Variants in CTIF observed in about 807,000 individuals in gnomAD.
CTIF encodes cap binding complex dependent translation initiation factor, also known as CBP80/20-dependent translation initiation factor.
In CTIF, 21 loss-of-function variants were observed where a neutral mutation model predicts 66.0. The ratio of observed to expected loss-of-function variants is 0.32; its 90% CI spans 0.23 to 0.46. CTIF has a LOEUF of 0.46. Among genes scored for constraint, CTIF ranks in the 20% least tolerant of loss-of-function variants. CTIF has a pLI of 1.00. For synonymous variants in CTIF, 345 were observed against 326.4 expected, an observed-to-expected ratio of 1.06 and a Z score of -0.62; for missense variants, 739 against 812.7, an observed-to-expected ratio of 0.91 and a Z score of 1.10.
intron 1 of CTIF, among the ~76,000 whole-genome samples, chr18:48,551,532 G>C (rs535800576): frequency 2.6e-5 from 4 of 152,290 alleles, no homozygotes; most frequent in Admixed American, 2.0e-4. Context: ...TGCATTGTGT[G>C]TTATGCTTGT....
At chr18:48,657,346 A>G (rs2091261867) in intron 3 of CTIF, among the ~76,000 whole-genome samples, 1 of 152,222 alleles carries the variant, frequency 6.6e-6, no homozygotes. Context: ...TATATACCAA[A>G]CATTTGACTA....
intron 9 of CTIF, among the ~76,000 whole-genome samples, chr18:48,812,676 C>T (rs2068282848): frequency 6.6e-6 from 1 of 151,502 alleles, no homozygotes; most frequent in South Asian, 2.1e-4. Flanking sequence ...ATCACTTGAG[C>T]CTAAGAGGTC....
intron 10 of CTIF, among the ~76,000 whole-genome samples, chr18:48,825,556 G>A (rs778110545): frequency 1.3e-5 from 2 of 152,242 alleles, no homozygotes; most frequent in Admixed American, 6.5e-5. Flanking sequence ...TGAAGCGGGT[G>A]TGGGTGGAGA....
chr18:48,786,026 C>T (rs1314142574), intron 9 of CTIF, among the ~76,000 whole-genome samples: 1 of 152,128 alleles, frequency 6.6e-6, no homozygotes, highest in Non-Finnish European at 1.5e-5. Context: ...ATCACTCATC[C>T]GAGATCCTTG....
At chr18:48,665,662 C>A (rs2091424818) in intron 5 of CTIF, among the ~76,000 whole-genome samples, 2 of 152,192 alleles carry the variant, frequency 1.3e-5, no homozygotes, top group East Asian at 3.8e-4. Flanking sequence ...CAGTCCCTGG[C>A]AACCACCAAT....
rs576001906 is a variant in CTIF, at chr18:48,681,339, C to G, written c.507+10595C>G. 5.1e-4 allele frequency among the ~76,000 whole-genome samples: 77 copies of G among 152,298 alleles called. 1 individual carries two copies. Among genetic ancestry groups the G allele is most frequent in the Non-Finnish European group, 3.4e-4 (23 of 68,016 alleles). ...CCAGGGATCTGGAGGCAGCCGATGG[C>G]CAAACAAACCAAGTGAGTGAGTGGC... is the stretch of plus-strand genomic sequence containing the variant. On this transcript the variant is annotated intron_variant, in intron 6 of 11. Transcript: ENST00000256413.
chr18:48,626,757 G>A lies in CTIF; in HGVS notation c.180+7012G>A, dbSNP rs181310427. Among the ~76,000 whole-genome samples, 1,023 of 149,372 alleles carry A rather than the reference G, an allele frequency of 6.8e-3. 8 individuals carry two copies. The highest frequency in any genetic ancestry group is 0.025 in the Middle Eastern group (7 of 284). ...TGCAACCTCTGCCTCCCGGGTTCAA[G>A]CGATTCTCCTGCCTCAGCCTCCCGA... On this transcript the variant is annotated intron_variant, in intron 2 of 11. Transcript: ENST00000256413.
chr18:48,547,663 G>A (rs1161557958), intron 1 of CTIF, among the ~76,000 whole-genome samples: 1 of 152,218 alleles, frequency 6.6e-6, no homozygotes, highest in Admixed American at 6.5e-5. Flanking sequence ...TGTTGTGAGA[G>A]ATGGTTTCTA....
At chr18:48,756,360 A>G (rs1348940603) in intron 7 of CTIF, 1 of 152,228 alleles carries the variant, frequency 6.6e-6, no homozygotes, top group Admixed American at 6.5e-5. Context: ...GGAAAAAAAT[A>G]ATGCATTTAA....
Position 48,664,439 on chromosome 18 carries a change from C to T in CTIF, c.327-8C>T, listed in dbSNP as rs911659028. On this transcript the variant is annotated splice_polypyrimidine_tract_variant and splice_region_variant and intron_variant, in intron 4 of 11. Transcript: ENST00000256413. ...TGCCTCCGTTTCTCACCCTCCCTCG[C>T]CCTCTAGTGGTGCCACCTGGGACCT... 13 of 1,611,792 alleles carry T rather than the reference C, an allele frequency of 8.1e-6. No individual in the cohort carries two copies. The highest frequency in any genetic ancestry group is 6.7e-5 in the Admixed American group (4 of 59,988).
chr18:48,698,274 G>A (rs2092035612), intron 6 of CTIF, among the ~76,000 whole-genome samples: 1 of 152,150 alleles, frequency 6.6e-6, no homozygotes, highest in African/African-American at 2.4e-5. Context: ...AGCTGCAGGG[G>A]CTGCCCTCCT....
At chr18:48,806,867 T>A (rs1167738662) in intron 9 of CTIF, among the ~76,000 whole-genome samples, 1 of 152,114 alleles carries the variant, frequency 6.6e-6, no homozygotes, top group Non-Finnish European at 1.5e-5. Context: ...TAGCAGTACG[T>A]CAATAAATAG....
intron 10 of CTIF, among the ~76,000 whole-genome samples, chr18:48,823,843 A>G (rs960634195): frequency 5.9e-5 from 9 of 152,220 alleles, no homozygotes; most frequent in Non-Finnish European, 1.0e-4. Flanking sequence ...CCTATTCAAC[A>G]TAGTACTGGA....
chr18:48,679,378 T>C (rs2091700358), intron 6 of CTIF, among the ~76,000 whole-genome samples: 2 of 152,206 alleles, frequency 1.3e-5, no homozygotes, highest in African/African-American at 4.8e-5. Flanking sequence ...TGTGGCCTCA[T>C]GAAGTGGTAG....
In CTIF at chr18:48,580,939, G is replaced by A. The variant is rs112112138; in HGVS notation, c.-28-38599G>A. ...CTATTCCACTAGCTGCAGGCATCGC[G>A]GCCCCACCCAGCTGACACTGCTTTC... On this transcript the variant is annotated intron_variant, in intron 1 of 11. Coordinates refer to ENST00000256413, the MANE Select transcript of CTIF (RefSeq NM_014772.3). Among the ~76,000 whole-genome samples, 1,324 of 152,348 alleles carry A rather than the reference G, an allele frequency of 8.7e-3. 14 individuals carry two copies. Among genetic ancestry groups the A allele is most frequent in the African/African-American group, 0.028 (1,169 of 41,582 alleles).
intron 9 of CTIF, among the ~76,000 whole-genome samples, chr18:48,781,329 G>T (rs566905096): frequency 6.6e-6 from 1 of 152,314 alleles, no homozygotes; most frequent in East Asian, 1.9e-4. Context: ...GAGGGCAGAG[G>T]CGACTGTCTG....
chr18:48,709,171 A>G (rs950035542), intron 6 of CTIF, among the ~76,000 whole-genome samples: 1 of 152,246 alleles, frequency 6.6e-6, no homozygotes, highest in Non-Finnish European at 1.5e-5. Flanking sequence ...TCATCTGCTC[A>G]AAGTCACACA....
At chr18:48,814,478 A>T (rs112602140) in intron 9 of CTIF, among the ~76,000 whole-genome samples, 13 of 152,330 alleles carry the variant, frequency 8.5e-5, no homozygotes, top group African/African-American at 3.1e-4. Context: ...TTAATTTTTC[A>T]TTCAAGTTCT....
At chr18:48,603,909 C>T (rs914352619) in intron 1 of CTIF, among the ~76,000 whole-genome samples, 4 of 146,694 alleles carry the variant, frequency 2.7e-5, no homozygotes, top group South Asian at 2.1e-4. Flanking sequence ...AGAGCAGAGG[C>T]GCAATCTTGG....
Sources: allele counts gnomAD v4.1 joint callset (sites outside exome capture counted in the v4.1 genomes callset), GRCh38; gene constraint gnomAD v4.1.1; transcripts MANE v1.5; gene names NCBI Gene and HGNC (gene_info 2026-07-23, HGNC 2026-07-21).